CTNNA3: variants seen among roughly 807,000 people sequenced by gnomAD.
CTNNA3 encodes the protein catenin alpha-3.
A neutral mutation model predicts 95.7 loss-of-function variants in CTNNA3; 76 were observed. That is an observed-to-expected ratio of 0.79 (90% CI 0.66 to 0.96). CTNNA3 has a LOEUF of 0.96. Ranked by LOEUF, CTNNA3 falls within the 40% of genes least tolerant of loss-of-function variation. The probability of loss-of-function intolerance (pLI) is 0.00; values close to 1 mark genes in which losing one functional copy is unlikely to be tolerated. For missense variants in CTNNA3, 1,191 were observed against 1,089.8 expected, an observed-to-expected ratio of 1.09 and a Z score of -1.31; for synonymous variants, 431 against 374.4, an observed-to-expected ratio of 1.15 and a Z score of -1.74.
At chr10:67,572,796 C>T (rs1417963133) in intron 3 of CTNNA3, among the ~76,000 whole-genome samples, 8 of 152,032 alleles carry the variant, frequency 5.3e-5, no homozygotes, top group East Asian at 1.9e-4. Flanking sequence ...ATTTTATGAT[C>T]GAAAGCTATG....
chr10:66,579,214 GTTC>G (rs930125014), intron 10 of CTNNA3, among the ~76,000 whole-genome samples: 12 of 151,586 alleles, frequency 7.9e-5, no homozygotes, highest in African/African-American at 2.9e-4. Flanking sequence ...TATTTATTTG[GTTC>G]TTCTCCTTTT....
chr10:67,416,409 C>A (rs1360935917), intron 5 of CTNNA3, among the ~76,000 whole-genome samples: 1 of 151,840 alleles, frequency 6.6e-6, no homozygotes, highest in African/African-American at 2.4e-5. Context: ...GAGATCGAGA[C>A]CATCCTGGCT....
intron 3 of CTNNA3, among the ~76,000 whole-genome samples, chr10:67,547,136 T>A (rs1840868482): frequency 6.6e-6 from 1 of 152,162 alleles, no homozygotes; most frequent in Admixed American, 6.5e-5. Flanking sequence ...AAGATTCTTC[T>A]GTTTGGTTTT....
intron 12 of CTNNA3, among the ~76,000 whole-genome samples, chr10:66,315,833 A>C (rs1183728284): frequency 6.6e-6 from 1 of 152,204 alleles, no homozygotes; most frequent in South Asian, 2.1e-4. Flanking sequence ...CAACATGATA[A>C]AACTCTAAAA....
rs941267619 is a variant in CTNNA3 at position 66,669,814 on chromosome 10, T to G, written c.1282-48030A>C. Among the ~76,000 whole-genome samples, 14 of 152,102 alleles carry G rather than the reference T, an allele frequency of 9.2e-5. No individual in the cohort carries two copies. The East Asian group carries it at 2.7e-3, about 29-fold the overall frequency. ...ATTCATCTTTAAAATATTGTCAATG[T>G]ATAGTTAATTAAATAGAGTTTATTC... On this transcript the variant is annotated intron_variant, in intron 9 of 17. Transcript: ENST00000433211.
intron 1 of CTNNA3, among the ~76,000 whole-genome samples, chr10:67,701,746 T>A (rs1355256397): frequency 6.6e-6 from 1 of 152,006 alleles, no homozygotes; most frequent in African/African-American, 2.4e-5. Flanking sequence ...GCTAACATCA[T>A]AATGACAGGA....
intron 5 of CTNNA3, among the ~76,000 whole-genome samples, chr10:67,512,127 C>T (rs2133132225): frequency 6.6e-6 from 1 of 152,150 alleles, no homozygotes; most frequent in South Asian, 2.1e-4. Context: ...TAAAAAGGTG[C>T]TCACATCACT....
At chr10:67,561,201 C>T (rs1223738633) in intron 3 of CTNNA3, among the ~76,000 whole-genome samples, 1 of 142,664 alleles carries the variant, frequency 7.0e-6, no homozygotes, top group Non-Finnish European at 1.5e-5. Flanking sequence ...CTCAGCACCA[C>T]ATCGCACTTA....
chr10:65,985,155 T>A (rs2078402375), intron 16 of CTNNA3, among the ~76,000 whole-genome samples: 1 of 151,076 alleles, frequency 6.6e-6, no homozygotes, highest in Non-Finnish European at 1.5e-5. Flanking sequence ...TTCTTCATTT[T>A]CCAAGAGAGT....
chr10:67,643,947 G>C (rs900322042), intron 2 of CTNNA3, among the ~76,000 whole-genome samples: 2 of 152,074 alleles, frequency 1.3e-5, no homozygotes, highest in African/African-American at 4.8e-5. Context: ...TGGGCATCTG[G>C]GTTGGTTCCA....
chr10:67,754,716 C>G (rs1335736267), intron 1 of CTNNA3, among the ~76,000 whole-genome samples: 1 of 152,136 alleles, frequency 6.6e-6, no homozygotes, highest in Non-Finnish European at 1.5e-5. Context: ...GTCTTCTGTA[C>G]AGCAGAGGAA....
intron 7 of CTNNA3, among the ~76,000 whole-genome samples, chr10:66,954,462 C>T (rs946532665): frequency 2.0e-5 from 3 of 152,162 alleles, no homozygotes; most frequent in Non-Finnish European, 4.4e-5. Context: ...CTACTATGTA[C>T]AGGAGAGCAT....
At chr10:66,860,500 G>A (rs1054512104) in intron 7 of CTNNA3, among the ~76,000 whole-genome samples, 2 of 152,090 alleles carry the variant, frequency 1.3e-5, no homozygotes, top group African/African-American at 4.8e-5. Context: ...TCTACAGTCG[G>A]CAGAAGTAAT....
At chr10:65,935,542 C>A (rs926114072) in intron 17 of CTNNA3, among the ~76,000 whole-genome samples, 1 of 151,978 alleles carries the variant, frequency 6.6e-6, no homozygotes, top group Admixed American at 6.6e-5. Context: ...TGAAAATGTT[C>A]CAGTTAAGGA....
At chr10:66,626,561 CAA>C (rs997940751) in intron 9 of CTNNA3, among the ~76,000 whole-genome samples, 2 of 145,288 alleles carry the variant, frequency 1.4e-5, no homozygotes, top group African/African-American at 5.7e-5. Context: ...CCCAAAGTTA[CAA>C]AGTTACACAA....
intron 3 of CTNNA3, among the ~76,000 whole-genome samples, chr10:67,563,175 T>A (rs1420393146): frequency 6.6e-6 from 1 of 152,148 alleles, no homozygotes; most frequent in African/African-American, 2.4e-5. Context: ...AGAGCCCGCA[T>A]CGCCAAGACA....
rs557375020 is a variant in CTNNA3, at chr10:67,740,307, T to A, written c.-2+23127A>T. Among the ~76,000 whole-genome samples, 4 of 152,014 alleles carry A rather than the reference T, an allele frequency of 2.6e-5. No homozygotes were observed. In the East Asian group the frequency reaches 5.8e-4, roughly 22 times the overall value. The stretch of plus-strand genomic sequence containing the variant: ...GGCAACAAAAGCCAAAATTGACAAA[T>A]GGGATCTAATTAAACTCAAGAGCTT... On this transcript the variant is annotated intron_variant, in intron 1 of 17. Transcript: ENST00000684154.
chr10:67,299,190 C>G (rs1047993077), intron 5 of CTNNA3, among the ~76,000 whole-genome samples: 1 of 152,034 alleles, frequency 6.6e-6, no homozygotes, highest in African/African-American at 2.4e-5. Context: ...GACATTCCCT[C>G]AGGAATGTGA....
At chr10:67,732,912 A>ACACAAACT (rs33931736) in intron 1 of CTNNA3, among the ~76,000 whole-genome samples, 4 of 151,134 alleles carry the variant, frequency 2.6e-5, no homozygotes, top group African/African-American at 9.8e-5. Context: ...ACACACACAC[A>ACACAAACT]TTCTCTCTCT....
Sources: allele counts gnomAD v4.1 joint callset (sites outside exome capture counted in the v4.1 genomes callset), GRCh38; gene constraint gnomAD v4.1.1; transcripts MANE v1.5; gene names NCBI Gene and HGNC (gene_info 2026-07-23, HGNC 2026-07-21).